The following CLIP2 variants were observed in gnomAD, a reference collection of about 807,000 sequenced individuals.
CLIP2 encodes CAP-Gly domain-containing linker protein 2.
Under a neutral mutation model 111.7 loss-of-function variants are expected in CLIP2, and 41 were observed. The ratio of observed to expected loss-of-function variants is 0.37; its 90% CI spans 0.29 to 0.48. CLIP2 has a LOEUF of 0.48. Among genes scored for constraint, CLIP2 ranks in the 20% least tolerant of loss-of-function variants. The pLI is 0.99. For synonymous variants in CLIP2, 660 were observed against 644.2 expected, an observed-to-expected ratio of 1.02 and a Z score of -0.37; for missense variants, 1,160 against 1,422.1, an observed-to-expected ratio of 0.82 and a Z score of 2.96.
intron 3 of CLIP2, among the ~76,000 whole-genome samples, chr7:74,349,561 A>G (rs1326334826): frequency 7.1e-6 from 1 of 140,388 alleles, no homozygotes; most frequent in Non-Finnish European, 1.5e-5. Context: ...CTGCAATATG[A>G]TTGGACCTTG....
chr7:74,366,298 A>C (rs1372173608), intron 8 of CLIP2, among the ~76,000 whole-genome samples: 3 of 151,654 alleles, frequency 2.0e-5, no homozygotes, highest in African/African-American at 7.3e-5. Context: ...CTCCTTCCTA[A>C]TCTCTGAACA....
Position 74,338,929 on chromosome 7 carries a change from G to GTCGGGA in CLIP2, c.606_611dup (p.Gly203_Ser204dup). 1 of 1,600,994 alleles carries GTCGGGA rather than the reference G, an allele frequency of 6.2e-7. No individual in the cohort carries two copies. The highest frequency in any genetic ancestry group is 8.5e-7 in the Non-Finnish European group (1 of 1,179,872). On this transcript the variant is annotated inframe_insertion, in exon 3 of 17. Coordinates refer to ENST00000223398, the MANE Select transcript of CLIP2 (RefSeq NM_003388.5). This position sits in a 1 kb window ranked among gnomAD's most constrained non-coding sequence, Gnocchi z 4.3. ...ACAGCTCCGTGAAGACTGGCAACGAGTCGGGATCCAACCTCTCAGACAGCG... is the reference window on the plus strand; with the variant it reads ...ACAGCTCCGTGAAGACTGGCAACGAGTCGGGATCGGGATCCAACCTCTCAGACAGCG...
chr7:74,302,217 A>G (rs1554726965), intron 1 of CLIP2, among the ~76,000 whole-genome samples: 2 of 151,128 alleles, frequency 1.3e-5, no homozygotes, highest in African/African-American at 4.9e-5. Context: ...TATTTTTTTT[A>G]TTTTAAAAAT....
intron 1 of CLIP2, 78 bp from the exon 2 acceptor site, chr7:74,317,402 G>A (rs1788812060): frequency 1.0e-6 from 1 of 990,142 alleles, no homozygotes. Flanking sequence ...CAGGAGGGAT[G>A]TGTGTTGCTT....
At chr7:74,369,117 A>G (rs1790536425) in intron 8 of CLIP2, among the ~76,000 whole-genome samples, 2 of 152,298 alleles carry the variant, frequency 1.3e-5, no homozygotes, top group African/African-American at 4.8e-5. Context: ...TTGGGAGGCC[A>G]AGGCAGGTGG....
intron 8 of CLIP2, 90 bp from the exon 9 acceptor site, chr7:74,372,842 T>C (rs1035841948): frequency 9.6e-5 from 60 of 623,420 alleles, no homozygotes; most frequent in Admixed American, 1.5e-4. Flanking sequence ...CTCTCTCTCT[T>C]TCTCTCTCTC....
At chr7:74,355,855 G>A (rs1790127603) in intron 4 of CLIP2, among the ~76,000 whole-genome samples, 1 of 152,208 alleles carries the variant, frequency 6.6e-6, no homozygotes, top group Non-Finnish European at 1.5e-5. Flanking sequence ...CAGGGATTCT[G>A]TGGGCAGAGA....
At chr7:74,311,072 T>C (rs1314586667) in intron 1 of CLIP2, among the ~76,000 whole-genome samples, 6 of 151,182 alleles carry the variant, frequency 4.0e-5, no homozygotes, top group African/African-American at 1.2e-4. Flanking sequence ...CTCTGCCCCC[T>C]GGGTTCACGC....
In CLIP2 at chr7:74,357,447, G is replaced by A. The variant is rs1554308698; in HGVS notation, c.1185G>A (p.Glu395=). 1.2e-6 allele frequency: 2 copies of A among 1,613,932 alleles called. No homozygotes were observed. The highest frequency in any genetic ancestry group is 1.7e-6 in the Non-Finnish European group (2 of 1,179,922). The change falls in exon 6 of 17, where the codon GAG becomes GAA. Residue 395 remains glutamate (E), a synonymous_variant. Coordinates refer to ENST00000223398, the MANE Select transcript of CLIP2 (RefSeq NM_003388.5). ...GCCACATCTGCGAGGTGGAGAAGGA[G>A]ATTGCCCTGCTCAAGGCACAGCATG... The part of the protein sequence containing the change: ...ATSHICEVEK[E]IALLKAQHEQ...
chr7:74,359,566 A>G (rs932862104), intron 6 of CLIP2, among the ~76,000 whole-genome samples: 2 of 151,904 alleles, frequency 1.3e-5, no homozygotes, highest in Non-Finnish European at 2.9e-5. Context: ...CATGTTAGCC[A>G]GGATGGTCTC....
At chr7:74,363,767 A>G (rs1790400424) in intron 7 of CLIP2, among the ~76,000 whole-genome samples, 2 of 152,082 alleles carry the variant, frequency 1.3e-5, no homozygotes, top group Non-Finnish European at 2.9e-5. Flanking sequence ...CCAGTGATGT[A>G]TGCCTGTAAT....
chr7:74,381,518 A>T, intron 11 of CLIP2: 1 of 439,714 alleles, frequency 2.3e-6, no homozygotes, highest in Admixed American at 2.5e-5. Context: ...TCTAAACTTC[A>T]AATGGTTCAA....
chr7:74,323,749 G>A lies in CLIP2; in HGVS notation c.121+6082G>A, dbSNP rs555662422. 6.6e-5 allele frequency among the ~76,000 whole-genome samples: 10 copies of A among 152,234 alleles called. No homozygotes were observed. In the South Asian group the frequency reaches 1.9e-3, roughly 28 times the overall value. On this transcript the variant is annotated intron_variant, in intron 2 of 16. Transcript: ENST00000223398. ...CCCTGGCCTAGATGTCTTATGTTCA[G>A]ATGTACAAACACTTCCCCTCGTGTT...
intron 3 of CLIP2, among the ~76,000 whole-genome samples, chr7:74,348,743 TTG>T: frequency 1.3e-5 from 2 of 149,384 alleles, no homozygotes; most frequent in East Asian, 2.0e-4. Flanking sequence ...TGAGCCGAGA[TTG>T]CACCACTGCA....
intron 8 of CLIP2, among the ~76,000 whole-genome samples, chr7:74,366,015 A>G (rs543114260): frequency 6.6e-6 from 1 of 152,064 alleles, no homozygotes; most frequent in East Asian, 1.9e-4. Context: ...TCCTAGGTTC[A>G]AGCAATCCTG....
chr7:74,386,381 C>A (rs10156213), intron 11 of CLIP2, 140 bp from the exon 12 acceptor site: 2 of 628,688 alleles, frequency 3.2e-6, no homozygotes, highest in African/African-American at 2.0e-5. Flanking sequence ...CCCAGCGAGA[C>A]GGCTGGAGTG....
chr7:74,404,134 G>C lies in CLIP2; in HGVS notation c.*286G>C, dbSNP rs1791700925. 2 of 459,726 alleles carry C rather than the reference G, an allele frequency of 4.4e-6. No individual in the cohort carries two copies. Among genetic ancestry groups the C allele is most frequent in the African/African-American group, 2.0e-5 (1 of 50,632 alleles). 28.5% of individuals were successfully genotyped at this position (459,726 alleles called of 1,614,324 possible). ...GCAGCTTCTGGAGTTTGTCAGTGGAGGCAGAGGGGATCCGGCCAGGCCCCT... is the reference window on the plus strand; with the variant it reads ...GCAGCTTCTGGAGTTTGTCAGTGGACGCAGAGGGGATCCGGCCAGGCCCCT... On this transcript the variant is annotated 3_prime_UTR_variant, in exon 17 of 17. Transcript: ENST00000223398.
chr7:74,300,732 A>G (rs1304311492), intron 1 of CLIP2, among the ~76,000 whole-genome samples: 5 of 152,210 alleles, frequency 3.3e-5, no homozygotes, highest in African/African-American at 1.2e-4. Context: ...CTGGGATTAC[A>G]GGCGTGAGCC....
chr7:74,323,948 T>C (rs1054769409), intron 2 of CLIP2, among the ~76,000 whole-genome samples: 4 of 152,236 alleles, frequency 2.6e-5, no homozygotes, highest in African/African-American at 9.6e-5. Context: ...GATGCATGAC[T>C]GTATTTCCTT....
Sources: allele counts gnomAD v4.1 joint callset (sites outside exome capture counted in the v4.1 genomes callset), GRCh38; gene constraint gnomAD v4.1.1; non-coding constraint Gnocchi (gnomAD v3.1); transcripts MANE v1.5; gene names NCBI Gene and HGNC (gene_info 2026-07-23, HGNC 2026-07-21).